ST8SIA6: variants seen among roughly 807,000 people sequenced by gnomAD.
ST8SIA6 encodes the protein ST8 alpha-N-acetyl-neuraminide alpha-2,8-sialyltransferase 6, also known as alpha-2,8-sialyltransferase 8F.
ST8SIA6 carries 39 observed loss-of-function variants against 33.6 expected under a neutral mutation model. That is an observed-to-expected ratio of 1.16 (90% CI 0.90 to 1.52). The LOEUF (loss-of-function observed/expected upper bound fraction) is 1.52. ST8SIA6 is among the 40% of genes most tolerant of loss of function. The probability of loss-of-function intolerance (pLI) is 0.00; values close to 1 mark genes in which losing one functional copy is unlikely to be tolerated. For missense variants in ST8SIA6, 441 were observed against 443.8 expected (o/e 0.99, Z 0.06); for synonymous variants, 172 against 167.2 (o/e 1.03, Z -0.22).
Position 17,323,227 on chromosome 10 carries a change from G to GCGCGCA in ST8SIA6, c.636-71_636-70insTGCGCG, listed in dbSNP as rs1554783509. ...AAAAAGATTGTATACACACATATGC[G>GCGCGCA]CGCACACACACACACACACACACCT... is the stretch of plus-strand genomic sequence containing the variant. On this transcript the variant is annotated intron_variant, in intron 6 of 7. Coordinates refer to ENST00000377602, the MANE Select transcript of ST8SIA6 (RefSeq NM_001004470.3). The GCGCGCA allele has an allele frequency of 4.7e-4, 377 of 806,144 alleles. 13 individuals carry two copies. In the African/African-American group the frequency reaches 5.0e-3, roughly 11 times the overall value. The allele number at this position is 806,144 out of a possible 1,614,324, so 49.9% of individuals were successfully genotyped here.
chr10:17,411,186 G>A (rs1851436368), intron 2 of ST8SIA6, among the ~76,000 whole-genome samples: 2 of 151,930 alleles, frequency 1.3e-5, no homozygotes, highest in South Asian at 4.2e-4. Context: ...GTGTGTGTGT[G>A]TGTGTGTGTC....
At chr10:17,437,679 CTT>C (rs1438842106) in intron 2 of ST8SIA6, among the ~76,000 whole-genome samples, 2 of 139,270 alleles carry the variant, frequency 1.4e-5, no homozygotes, top group Non-Finnish European at 3.1e-5. Context: ...CTCTCTTTCT[CTT>C]TCTCTTTCTC....
intron 6 of ST8SIA6, among the ~76,000 whole-genome samples, chr10:17,324,432 T>C (rs1848057139): frequency 2.0e-5 from 3 of 152,050 alleles, no homozygotes; most frequent in African/African-American, 7.2e-5. Context: ...TAATCATAGG[T>C]ACTAGGCCAT....
intron 7 of ST8SIA6, among the ~76,000 whole-genome samples, chr10:17,321,679 A>C (rs541758644): frequency 6.6e-6 from 1 of 152,314 alleles, no homozygotes; most frequent in East Asian, 1.9e-4. Flanking sequence ...AACACCTTCC[A>C]AATGTATAAT....
chr10:17,333,717 A>ATATATATATTTTT (rs1251981910), intron 4 of ST8SIA6, among the ~76,000 whole-genome samples: 1 of 33,768 alleles, frequency 3.0e-5, no homozygotes. Flanking sequence ...ATATATATAT[A>ATATATATATTTTT]TTTTTTTTTT....
intron 4 of ST8SIA6, among the ~76,000 whole-genome samples, chr10:17,355,220 C>T (rs1345120471): frequency 6.6e-6 from 1 of 152,184 alleles, no homozygotes; most frequent in African/African-American, 2.4e-5. Context: ...TCTTCTGTAT[C>T]CAGTTGTCTT....
intron 4 of ST8SIA6, among the ~76,000 whole-genome samples, chr10:17,336,050 G>C (rs1848489821): frequency 1.3e-5 from 2 of 151,798 alleles, no homozygotes; most frequent in African/African-American, 4.8e-5. Flanking sequence ...CCATCTCCTG[G>C]GTTCAAGCAA....
At chr10:17,334,017 G>GT (rs1356857039) in intron 4 of ST8SIA6, among the ~76,000 whole-genome samples, 6 of 149,306 alleles carry the variant, frequency 4.0e-5, no homozygotes, top group African/African-American at 1.2e-4. Flanking sequence ...CACTGCACCT[G>GT]GTTTTTTTTT....
At chr10:17,338,550 C>T (rs975040634) in intron 4 of ST8SIA6, among the ~76,000 whole-genome samples, 2 of 152,124 alleles carry the variant, frequency 1.3e-5, no homozygotes, top group Non-Finnish European at 2.9e-5. Flanking sequence ...GATAGTTGTT[C>T]CCAAAGTAAT....
intron 4 of ST8SIA6, among the ~76,000 whole-genome samples, chr10:17,356,018 G>A (rs1849178117): frequency 6.6e-6 from 1 of 152,094 alleles, no homozygotes; most frequent in South Asian, 2.1e-4. Flanking sequence ...CAGTGATCTT[G>A]CATTAATATA....
At chr10:17,447,149 C>T (rs1446849849) in intron 2 of ST8SIA6, among the ~76,000 whole-genome samples, 4 of 151,748 alleles carry the variant, frequency 2.6e-5, no homozygotes, top group African/African-American at 4.8e-5. Context: ...CCAGCACTTT[C>T]GGAGGCCGAG....
chr10:17,401,602 A>T (rs1178077211), intron 2 of ST8SIA6, among the ~76,000 whole-genome samples: 4 of 152,250 alleles, frequency 2.6e-5, no homozygotes, highest in Non-Finnish European at 5.9e-5. Context: ...AATGGAACAG[A>T]ACTGAGCCCT....
intron 2 of ST8SIA6, among the ~76,000 whole-genome samples, chr10:17,408,541 T>C (rs1323984196): frequency 6.6e-6 from 1 of 151,702 alleles, no homozygotes; most frequent in Non-Finnish European, 1.5e-5. Context: ...GCATCTGTAA[T>C]CTCAGCTACT....
chr10:17,413,532 A>G (rs942095902), intron 2 of ST8SIA6: 1 of 152,184 alleles, frequency 6.6e-6, no homozygotes, highest in African/African-American at 2.4e-5. Flanking sequence ...CATTGCTGAT[A>G]CCTGGAAAAC....
At position 17,320,785 on chromosome 10, in the gene ST8SIA6, A is replaced by G. The variant is rs717768; in HGVS notation, c.*93T>C. On this transcript the variant is annotated 3_prime_UTR_variant, in exon 8 of 8. Transcript: ENST00000377602. ...AAACCAAATTTTGGGGCTCATCTCA[A>G]AATACTCTTTAGCCACCTCCTTTGG... is the stretch of plus-strand genomic sequence containing the variant. The G allele has an allele frequency of 0.34, 471,377 of 1,393,390 alleles. 84,754 individuals carry two copies. The highest frequency in any genetic ancestry group is 0.59 in the African/African-American group (40,941 of 69,220). The allele number at this position is 1,393,390 out of a possible 1,614,324, so 86.3% of individuals were successfully genotyped here.
At chr10:17,374,855 T>A (rs1267315103) in intron 3 of ST8SIA6, among the ~76,000 whole-genome samples, 6 of 151,374 alleles carry the variant, frequency 4.0e-5, no homozygotes, top group Admixed American at 3.3e-4. Flanking sequence ...CCCAAAATAC[T>A]AAGAATGTAG....
chr10:17,383,900 T>C (rs1010763960), intron 3 of ST8SIA6, among the ~76,000 whole-genome samples: 1 of 152,238 alleles, frequency 6.6e-6, no homozygotes, highest in African/African-American at 2.4e-5. Context: ...CAATTTAGTA[T>C]ACTCCCATGA....
intron 2 of ST8SIA6, among the ~76,000 whole-genome samples, chr10:17,436,203 T>C (rs1298332795): frequency 6.6e-6 from 1 of 152,208 alleles, no homozygotes; most frequent in African/African-American, 2.4e-5. Context: ...CTTGTCTTAC[T>C]GATAAAACTC....
intron 2 of ST8SIA6, among the ~76,000 whole-genome samples, chr10:17,416,958 A>G (rs186151651): frequency 3.4e-3 from 514 of 152,218 alleles, no homozygotes; most frequent in Non-Finnish European, 4.4e-3. Context: ...TGCTCTCTGT[A>G]TTGGTCCATT....
Sources: allele counts gnomAD v4.1 joint callset (sites outside exome capture counted in the v4.1 genomes callset), GRCh38; gene constraint gnomAD v4.1.1; transcripts MANE v1.5; gene names NCBI Gene and HGNC (gene_info 2026-07-23, HGNC 2026-07-21).